The following ARSG variants were observed in gnomAD, a reference collection of about 807,000 sequenced individuals.
The protein encoded by ARSG is arylsulfatase G.
Under a neutral mutation model 50.5 loss-of-function variants are expected in ARSG, and 37 were observed. That is an observed-to-expected ratio of 0.73 (90% CI 0.56 to 0.96). The LOEUF (loss-of-function observed/expected upper bound fraction) is 0.96. Among genes scored for constraint, ARSG ranks in the 50% least tolerant of loss-of-function variants. The probability of loss-of-function intolerance (pLI) is 0.00; values close to 1 mark genes in which losing one functional copy is unlikely to be tolerated. For missense variants in ARSG, 629 were observed against 675.3 expected (o/e 0.93, Z 0.76); for synonymous variants, 225 against 254.6 (o/e 0.88, Z 1.11).
At chr17:68,331,598 A>G (rs551533051) in intron 2 of ARSG, among the ~76,000 whole-genome samples, 101 of 152,250 alleles carry the variant, frequency 6.6e-4, no homozygotes, top group Middle Eastern at 6.8e-3. Context: ...CTGAGCTCAG[A>G]CAATCCGCCT....
chr17:68,331,542 T>C (rs563026622), intron 2 of ARSG, among the ~76,000 whole-genome samples: 191 of 152,042 alleles, frequency 1.3e-3, no homozygotes, highest in African/African-American at 4.4e-3. Context: ...CTGCGCCTGG[T>C]GCAAAGGCAA....
chr17:68,320,067 A>G (rs1408201494), intron 2 of ARSG, among the ~76,000 whole-genome samples: 4 of 152,020 alleles, frequency 2.6e-5, no homozygotes, highest in Admixed American at 6.6e-5. Flanking sequence ...TGGGCAGACT[A>G]CCTGAGCCCA....
chr17:68,433,342 A>C, the ARSG span: 6 of 898,148 alleles, frequency 6.7e-6, no homozygotes, highest in African/African-American at 5.0e-5. Context: ...TCCATCACTT[A>C]GGTGAAGTCC....
chr17:68,276,615 A>G (rs537741058), intron 1 of ARSG, among the ~76,000 whole-genome samples: 11 of 151,516 alleles, frequency 7.3e-5, no homozygotes, highest in African/African-American at 2.4e-4. Flanking sequence ...TGCCCGGCCA[A>G]TTTTTTATTT....
chr17:68,360,901 T>C (rs2079251850), intron 6 of ARSG, among the ~76,000 whole-genome samples: 1 of 152,232 alleles, frequency 6.6e-6, no homozygotes, highest in Non-Finnish European at 1.5e-5. Flanking sequence ...CTTGGCGCAC[T>C]GCAACCTCTG....
At chr17:68,402,347 C>T (rs951257440) in intron 11 of ARSG, among the ~76,000 whole-genome samples, 4 of 151,540 alleles carry the variant, frequency 2.6e-5, no homozygotes, top group Non-Finnish European at 4.4e-5. Context: ...TGGGTTCAAG[C>T]GATTCTCCTG....
chr17:68,343,498 T>G, intron 2 of ARSG, 106 bp from the exon 3 acceptor site: 2 of 1,149,820 alleles, frequency 1.7e-6, no homozygotes, highest in South Asian at 3.1e-5. Flanking sequence ...TGGGTGATCT[T>G]TGATCTTTGA....
intron 2 of ARSG, among the ~76,000 whole-genome samples, chr17:68,319,436 C>T (rs1370778971): frequency 4.6e-5 from 7 of 152,156 alleles, no homozygotes; most frequent in Admixed American, 3.3e-4. Context: ...AAGTGCTGAA[C>T]AAAAGGGACT....
intron 5 of ARSG, among the ~76,000 whole-genome samples, chr17:68,352,484 C>A (rs553577217): frequency 6.6e-6 from 1 of 151,332 alleles, no homozygotes; most frequent in South Asian, 2.1e-4. Context: ...GGTCGTGGGA[C>A]TCAGGGTTTT....
rs1472293532 is a variant in ARSG at position 68,275,886 on chromosome 17, G to A, written c.-552+16460G>A. 2.0e-5 allele frequency among the ~76,000 whole-genome samples: 3 copies of A among 151,754 alleles called. No individual in the cohort carries two copies. The East Asian group carries it at 5.9e-4, about 30-fold the overall frequency. The stretch of plus-strand genomic sequence containing the variant: ...TAATCCCAGCTACTCGGGAGGCTAA[G>A]GCAGGAGAATCACTTGAACCTGGGA... On this transcript the variant is annotated intron_variant, in intron 1 of 11. Coordinates refer to the ARSG transcript ENST00000448504.
intron 1 of ARSG, among the ~76,000 whole-genome samples, chr17:68,293,056 C>T (rs2076074193): frequency 6.6e-6 from 1 of 152,150 alleles, no homozygotes; most frequent in South Asian, 2.1e-4. Context: ...TATGCTTTAC[C>T]AAGGCCAATT....
upstream of ARSG, among the ~76,000 whole-genome samples, chr17:68,290,434 G>A (rs2075946072): frequency 6.6e-6 from 1 of 152,236 alleles, no homozygotes; most frequent in African/African-American, 2.4e-5. Flanking sequence ...GCTTTCCTGC[G>A]GTTGGCAGCC....
In ARSG at chr17:68,307,191, C is replaced by A; in HGVS notation, c.-303C>A. 2.9e-6 allele frequency: 1 copy of A among 345,308 alleles called. No individual in the cohort carries two copies. Among genetic ancestry groups the A allele is most frequent in the South Asian group, 5.1e-5 (1 of 19,794 alleles). 21.4% of individuals were successfully genotyped at this position (345,308 alleles called of 1,614,324 possible). ...TTGATGTCTAATTATTGAACACGACCAGTCATTTTACTGAGCTGCGGTGAG... is the reference window on the plus strand; with the variant it reads ...TTGATGTCTAATTATTGAACACGACAAGTCATTTTACTGAGCTGCGGTGAG... On this transcript the variant is annotated 5_prime_UTR_variant, in exon 2 of 12. Transcript: ENST00000621439.
In ARSG at chr17:68,407,142, T is replaced by G. The variant is rs773740922; in HGVS notation, c.1303+5692T>G. 2.0e-4 allele frequency among the ~76,000 whole-genome samples: 31 copies of G among 152,168 alleles called. 1 individual carries two copies. Among genetic ancestry groups the G allele is most frequent in the Non-Finnish European group, 1.5e-5 (1 of 68,018 alleles). On this transcript the variant is annotated intron_variant, in intron 11 of 11. Transcript: ENST00000621439. ...TGAAAAGGGTGTCCTTTCCCCACTTTATGTTTGTGTTGGCTTTGTCGAAGA... is the reference window on the plus strand; with the variant it reads ...TGAAAAGGGTGTCCTTTCCCCACTTGATGTTTGTGTTGGCTTTGTCGAAGA...
At position 68,352,559 on chromosome 17, in the gene ARSG, G is replaced by A. The variant is rs181684701; in HGVS notation, c.566+873G>A. ...GAGTGTTGCTCTCTTACCCAGGCTA[G>A]AGCGCAGTGGCGCGATCTCGGCTCA... is the stretch of plus-strand genomic sequence containing the variant. On this transcript the variant is annotated intron_variant, in intron 5 of 11. Coordinates refer to ENST00000621439, the MANE Select transcript of ARSG (RefSeq NM_001267727.2). Among the ~76,000 whole-genome samples, 361 of 147,164 alleles carry A rather than the reference G, an allele frequency of 2.5e-3. 1 individual carries two copies. The highest frequency in any genetic ancestry group is 3.6e-3 in the Non-Finnish European group (245 of 67,240).
upstream of ARSG, among the ~76,000 whole-genome samples, chr17:68,287,467 G>A (rs1055766545): frequency 6.6e-6 from 1 of 152,016 alleles, no homozygotes; most frequent in African/African-American, 2.4e-5. Flanking sequence ...GCCAGATGGT[G>A]GACTATTCAT....
At chr17:68,301,786 C>T (rs1423458714) in intron 1 of ARSG, among the ~76,000 whole-genome samples, 1 of 152,116 alleles carries the variant, frequency 6.6e-6, no homozygotes, top group Non-Finnish European at 1.5e-5. Context: ...TTTGCCGCTC[C>T]TTGCTTGTGC....
downstream of ARSG, chr17:68,426,252 G>GGGGGGGGGGGGGGA: frequency 1.2e-6 from 1 of 828,188 alleles, no homozygotes; most frequent in Non-Finnish European, 1.9e-6. Flanking sequence ...TGGGGAGCGG[G>GGGGGGGGGGGGGGA]GGCTCAAATA....
At chr17:68,401,996 C>T (rs756645178) in intron 11 of ARSG, among the ~76,000 whole-genome samples, 6 of 152,152 alleles carry the variant, frequency 3.9e-5, no homozygotes, top group Non-Finnish European at 7.4e-5. Context: ...CTCTCAATCC[C>T]GAGTCCTACT....
Sources: gnomAD v4.1 joint callset for allele counts (sites outside exome capture counted in the v4.1 genomes callset) on GRCh38, gnomAD v4.1.1 for gene constraint, MANE v1.5 for transcripts, NCBI Gene and HGNC (gene_info 2026-07-23, HGNC 2026-07-21) for gene names.